UXS1: variants seen among roughly 807,000 people sequenced by gnomAD.
UXS1 encodes UDP-glucuronate decarboxylase 1.
Under a neutral mutation model 62.6 loss-of-function variants are expected in UXS1, and 33 were observed. The observed-to-expected ratio is 0.53, with a 90% CI of 0.40 to 0.70. UXS1 has a LOEUF of 0.70. Among genes scored for constraint, UXS1 ranks in the 30% least tolerant of loss-of-function variants. UXS1 has a pLI of 0.00. For synonymous variants in UXS1, 213 were observed against 206.8 expected (o/e 1.03, Z -0.26); for missense variants, 434 against 556.3 (o/e 0.78, Z 2.21).
chr2:106,096,842 AAAGGT>A (rs1474897666), intron 13 of UXS1, 21 bp from the exon 14 acceptor site: 8 of 1,560,240 alleles, frequency 5.1e-6, no homozygotes, highest in Non-Finnish European at 7.0e-6. Flanking sequence ...TAAAGAAAAA[AAAGGT>A]AGGAGAGAAT....
At chr2:106,157,276 T>TAAA (rs5833171) in intron 5 of UXS1, among the ~76,000 whole-genome samples, 5 of 151,780 alleles carry the variant, frequency 3.3e-5, no homozygotes, top group Non-Finnish European at 7.4e-5. Flanking sequence ...GCTGTTACTT[T>TAAA]AAAAAAAATG....
At chr2:106,120,699 C>T (rs775989620) in intron 9 of UXS1, among the ~76,000 whole-genome samples, 2 of 152,334 alleles carry the variant, frequency 1.3e-5, no homozygotes, top group Middle Eastern at 3.4e-3. Flanking sequence ...AAGCAGCAAG[C>T]GTGGTTCCCA....
In UXS1 at chr2:106,109,664, T is replaced by C. The variant is rs183288759; in HGVS notation, c.879+2982A>G. Among the ~76,000 whole-genome samples, 14 of 152,346 alleles carry C rather than the reference T, an allele frequency of 9.2e-5. No individual in the cohort carries two copies. In the South Asian group the frequency reaches 2.1e-3, roughly 23 times the overall value. ...TTCTAATCTGAGATGCAAACTTTGC[T>C]GAACATGATTCCACTTAAAATATAG... On this transcript the variant is annotated intron_variant, in intron 10 of 14. Transcript: ENST00000283148.
intron 5 of UXS1, among the ~76,000 whole-genome samples, chr2:106,156,068 G>A (rs1682397714): frequency 6.6e-6 from 1 of 152,110 alleles, no homozygotes; most frequent in Admixed American, 6.6e-5. Context: ...TAAAGCATTT[G>A]TGCTTCAAAG....
At position 106,097,054 on chromosome 2, in the gene UXS1, G is replaced by A. The variant is rs1167297966; in HGVS notation, c.1043-233C>T. On this transcript the variant is annotated intron_variant, in intron 13 of 14. Coordinates refer to ENST00000283148, the MANE Select transcript of UXS1 (RefSeq NM_001253875.2). ...CTGACTGTGTGCAGGCGCCCAGCAAGAGCTCGGTGGGGGGCAGGTTATTCT... is the reference window on the plus strand; with the variant it reads ...CTGACTGTGTGCAGGCGCCCAGCAAAAGCTCGGTGGGGGGCAGGTTATTCT... 4 of 648,292 alleles carry A rather than the reference G, an allele frequency of 6.2e-6. No homozygotes were observed. In the Admixed American group the frequency reaches 8.3e-5, roughly 13 times the overall value. The allele number at this position is 648,292 out of a possible 1,614,324, so 40.2% of individuals were successfully genotyped here. A position where few individuals can be genotyped will look rare whatever the true frequency, so the allele number is the denominator to read the frequency against.
intron 6 of UXS1, 54 bp downstream of exon 6, chr2:106,145,136 T>G (rs527993130): frequency 3.2e-6 from 5 of 1,568,412 alleles, no homozygotes; most frequent in Non-Finnish European, 4.3e-6. Context: ...CCCGCAGCTC[T>G]GGCAAGGCCA....
Position 106,145,353 on chromosome 2 carries a change from C to A in UXS1, c.309G>T (p.Gly103=). ...TGTCAGTTAGATGGGAGCCCACGAA[C>A]CCTGCGCCTCCTGTTATCTGCATCC... The part of the protein sequence containing the change: ...RKRILITGGA[G]FVGSHLTDKL... Residue 103 remains glycine, a synonymous_variant, in exon 6 of 15, where the codon GGG becomes GGT. Coordinates refer to ENST00000283148, the MANE Select transcript of UXS1 (RefSeq NM_001253875.2). 6.2e-7 allele frequency: 1 copy of A among 1,613,360 alleles called. No individual in the cohort carries two copies. Among genetic ancestry groups the A allele is most frequent in the South Asian group, 1.1e-5 (1 of 90,972 alleles).
At chr2:106,152,513 G>C (rs954199532) in intron 5 of UXS1, among the ~76,000 whole-genome samples, 1 of 134,784 alleles carries the variant, frequency 7.4e-6, no homozygotes, top group Middle Eastern at 3.6e-3. Flanking sequence ...GAGGGAGGGA[G>C]GGAGGGAAAA....
Position 106,112,635 on chromosome 2 carries a change from C to T in UXS1, c.879+11G>A, listed in dbSNP as rs1558686979. 1 of 1,613,664 alleles carries T rather than the reference C, an allele frequency of 6.2e-7. No homozygotes were observed. The highest frequency in any genetic ancestry group is 8.5e-7 in the Non-Finnish European group (1 of 1,179,790). On this transcript the variant is annotated intron_variant, in intron 10 of 14. Coordinates refer to ENST00000283148, the MANE Select transcript of UXS1 (RefSeq NM_001253875.2). ...TTGCAAGGTGCTCCCTGAGCCGAGGCCAGCACCTACCGTGAGTGGCTCCCC... is the reference window on the plus strand; with the variant it reads ...TTGCAAGGTGCTCCCTGAGCCGAGGTCAGCACCTACCGTGAGTGGCTCCCC...
chr2:106,100,308 G>T (rs1677485968), intron 12 of UXS1, among the ~76,000 whole-genome samples: 1 of 152,164 alleles, frequency 6.6e-6, no homozygotes, highest in South Asian at 2.1e-4. Context: ...CCATGACCTT[G>T]GCTGATGCAC....
intron 7 of UXS1, among the ~76,000 whole-genome samples, chr2:106,128,161 G>A (rs1393856074): frequency 3.9e-5 from 6 of 152,110 alleles, no homozygotes; most frequent in Admixed American, 1.3e-4. Context: ...GGAGGGGGGC[G>A]GGACAGAGAG....
Position 106,146,270 on chromosome 2 carries a change from C to T in UXS1, c.292-900G>A, listed in dbSNP as rs572440314. Among the ~76,000 whole-genome samples the T allele has an allele frequency of 1.7e-4, 26 of 152,342 alleles. 1 individual carries two copies. In the South Asian group the frequency reaches 5.4e-3, roughly 32 times the overall value. ...CTAGCCTGCTGTATCCTGTTCTCCACTCTGCCTTCTCTTCACCAAAATTCT... is the reference window on the plus strand; with the variant it reads ...CTAGCCTGCTGTATCCTGTTCTCCATTCTGCCTTCTCTTCACCAAAATTCT... On this transcript the variant is annotated intron_variant, in intron 5 of 14. Transcript: ENST00000283148.
intron 6 of UXS1, among the ~76,000 whole-genome samples, chr2:106,136,977 A>T (rs1680700792): frequency 6.8e-6 from 1 of 148,142 alleles, no homozygotes; most frequent in Admixed American, 6.7e-5. Flanking sequence ...AAAAAAAAAA[A>T]AAAAAAAAAG....
intron 12 of UXS1, 80 bp from the exon 13 acceptor site, chr2:106,098,853 G>C (rs1677345709): frequency 7.4e-7 from 1 of 1,348,088 alleles, no homozygotes; most frequent in Admixed American, 1.9e-5. Flanking sequence ...CGTGTCTGCA[G>C]AGACGTCTAC....
At position 106,137,066 on chromosome 2, in the gene UXS1, G is replaced by C. The variant is rs185155348; in HGVS notation, c.473-7288C>G. ...GGGAAGAATAATCTTTTTGTAAAGA[G>C]AACTAACAAAACACAAAATCTTTAA... On this transcript the variant is annotated intron_variant, in intron 6 of 14. Transcript: ENST00000283148. Among the ~76,000 whole-genome samples, 11 of 147,098 alleles carry C rather than the reference G, an allele frequency of 7.5e-5. No homozygotes were observed. The East Asian group carries it at 2.2e-3, about 29-fold the overall frequency.
At chr2:106,105,535 A>G (rs1005459585) in intron 10 of UXS1, among the ~76,000 whole-genome samples, 1 of 152,070 alleles carries the variant, frequency 6.6e-6, no homozygotes, top group Non-Finnish European at 1.5e-5. Context: ...TCCTTTAGGG[A>G]CAAGCTCTGA....
chr2:106,146,373 A>G (rs1681566725), intron 5 of UXS1, among the ~76,000 whole-genome samples: 1 of 152,252 alleles, frequency 6.6e-6, no homozygotes, highest in Admixed American at 6.5e-5. Flanking sequence ...AATAAAAGGT[A>G]TACAAACTCC....
chr2:106,122,296 G>A (rs1318082883), intron 9 of UXS1, among the ~76,000 whole-genome samples: 2 of 152,180 alleles, frequency 1.3e-5, no homozygotes, highest in Non-Finnish European at 2.9e-5. Flanking sequence ...CTGTGCCCAG[G>A]CCTCCACCTT....
chr2:106,097,967 G>A (rs185509537), intron 13 of UXS1, among the ~76,000 whole-genome samples: 1 of 152,380 alleles, frequency 6.6e-6, no homozygotes, highest in African/African-American at 2.4e-5. Context: ...ATGAATGGCA[G>A]CCTGATGCCA....
Sources: allele counts gnomAD v4.1 joint callset (sites outside exome capture counted in the v4.1 genomes callset), GRCh38; gene constraint gnomAD v4.1.1; transcripts MANE v1.5; gene names NCBI Gene and HGNC (gene_info 2026-07-23, HGNC 2026-07-21).